KIF13B: variants seen among roughly 807,000 people sequenced by gnomAD.
The protein encoded by KIF13B is kinesin-like protein KIF13B.
A neutral mutation model predicts 222.0 loss-of-function variants in KIF13B; 127 were observed. The ratio of observed to expected loss-of-function variants is 0.57; its 90% CI spans 0.50 to 0.66. The LOEUF (loss-of-function observed/expected upper bound fraction) is 0.66. KIF13B is among the 30% of genes least tolerant of loss of function. The probability of loss-of-function intolerance (pLI) is 0.00; values close to 1 mark genes in which losing one functional copy is unlikely to be tolerated. For synonymous variants in KIF13B, 976 were observed against 919.0 expected, an observed-to-expected ratio of 1.06 and a Z score of -1.12; for missense variants, 2,173 against 2,379.0, an observed-to-expected ratio of 0.91 and a Z score of 1.80.
At chr8:29,113,265 C>G (rs575171261) in intron 32 of KIF13B, among the ~76,000 whole-genome samples, 198 bp downstream of exon 32, 16 of 152,292 alleles carry the variant, frequency 1.1e-4, no homozygotes, top group South Asian at 8.3e-4. Flanking sequence ...AGTTCTTCAA[C>G]AAAATACTAA....
chr8:29,175,342 A>G (rs114760186), intron 10 of KIF13B, among the ~76,000 whole-genome samples: 2,007 of 152,254 alleles, frequency 0.013, 53 homozygotes, highest in African/African-American at 0.047. Flanking sequence ...CATCTCTGTC[A>G]TGGATCTATC....
chr8:29,117,599 G>A (rs924134170), intron 30 of KIF13B, among the ~76,000 whole-genome samples: 10 of 152,028 alleles, frequency 6.6e-5, no homozygotes, highest in Admixed American at 1.3e-4. Context: ...GAAGGGTGCC[G>A]GCCCACTATT....
At chr8:29,117,601 C>T (rs562199798) in intron 30 of KIF13B, among the ~76,000 whole-genome samples, 1 of 152,250 alleles carries the variant, frequency 6.6e-6, no homozygotes, top group South Asian at 2.1e-4. Context: ...AGGGTGCCGG[C>T]CCACTATTCT....
At chr8:29,243,920 G>A (rs1815899651) in intron 2 of KIF13B, among the ~76,000 whole-genome samples, 1 of 152,170 alleles carries the variant, frequency 6.6e-6, no homozygotes, top group Non-Finnish European at 1.5e-5. Flanking sequence ...ACTTTTGTGA[G>A]ACACGTAAGA....
intron 36 of KIF13B, among the ~76,000 whole-genome samples, chr8:29,096,772 T>C (rs1454268193): frequency 1.3e-5 from 2 of 151,928 alleles, no homozygotes; most frequent in Non-Finnish European, 2.9e-5. Flanking sequence ...AGCGATTTGA[T>C]AAGTTAAGGA....
At chr8:29,135,586 A>T (rs1334293593) in intron 21 of KIF13B, among the ~76,000 whole-genome samples, 2 of 152,228 alleles carry the variant, frequency 1.3e-5, no homozygotes, top group Non-Finnish European at 2.9e-5. Flanking sequence ...ATCTGAATAT[A>T]TGACATATGA....
intron 29 of KIF13B, 146 bp from the exon 30 acceptor site, chr8:29,119,138 C>A: frequency 3.7e-6 from 3 of 817,530 alleles, no homozygotes; most frequent in Non-Finnish European, 5.7e-6. Flanking sequence ...CTGAAGATGA[C>A]CACTTAAAAG....
chr8:29,075,387 A>G, intron 37 of KIF13B, 44 bp from the exon 38 acceptor site: 3 of 1,522,278 alleles, frequency 2.0e-6, no homozygotes, highest in East Asian at 4.9e-5. Context: ...AGGACAGAAC[A>G]GGGGTAGCAG....
intron 31 of KIF13B, 58 bp downstream of exon 31, chr8:29,116,773 C>T (rs1305080812): frequency 1.0e-5 from 15 of 1,497,764 alleles, no homozygotes; most frequent in Non-Finnish European, 1.0e-5. Flanking sequence ...AAGCACTGCA[C>T]GGCCCTACCC....
rs2133449582 is a variant in KIF13B, at chr8:29,067,837, G to C, written c.*2667C>G. The C allele has an allele frequency of 6.5e-6, 1 of 152,850 alleles. No homozygotes were observed. The highest frequency in any genetic ancestry group is 1.9e-4 in the East Asian group (1 of 5,206). The allele number at this position is 152,850 out of a possible 1,614,324, so 9.5% of individuals were successfully genotyped here. A position where few individuals can be genotyped will look rare whatever the true frequency, so the allele number is the denominator to read the frequency against. On this transcript the variant is annotated 3_prime_UTR_variant, in exon 40 of 40. Transcript: ENST00000524189. ...TCCGTTCTCTTGTTGAACCTTGGTA[G>C]GCCCAGAAACATCTTCCCCCTCCTC... is the stretch of plus-strand genomic sequence containing the variant.
chr8:29,081,950 A>C (rs1388753831), intron 37 of KIF13B, among the ~76,000 whole-genome samples: 1 of 152,242 alleles, frequency 6.6e-6, no homozygotes, highest in Non-Finnish European at 1.5e-5. Context: ...CAATAATTTC[A>C]TCTGATCTAG....
chr8:29,223,543 A>G (rs1235860644), intron 2 of KIF13B, among the ~76,000 whole-genome samples: 1 of 152,198 alleles, frequency 6.6e-6, no homozygotes, highest in Admixed American at 6.5e-5. Context: ...TCAATATGCT[A>G]TTTCTTAGTA....
At chr8:29,234,110 T>C (rs1252121392) in intron 2 of KIF13B, among the ~76,000 whole-genome samples, 4 of 152,086 alleles carry the variant, frequency 2.6e-5, no homozygotes, top group African/African-American at 9.7e-5. Flanking sequence ...AGATTCAGAG[T>C]GCAGAGATTG....
chr8:29,198,574 C>T (rs575581100), intron 2 of KIF13B, among the ~76,000 whole-genome samples: 4 of 152,256 alleles, frequency 2.6e-5, no homozygotes, highest in East Asian at 1.9e-4. Context: ...CCGCCCGCCT[C>T]GGCCTCCCAA....
chr8:29,185,340 T>C (rs189206422), intron 6 of KIF13B, among the ~76,000 whole-genome samples: 1 of 152,340 alleles, frequency 6.6e-6, no homozygotes, highest in African/African-American at 2.4e-5. Flanking sequence ...CTCTAATTTG[T>C]AGGAGCCTCC....
rs2133450163 is a variant in KIF13B at position 29,068,037 on chromosome 8, G to A, written c.*2467C>T. The A allele has an allele frequency of 6.6e-6, 1 of 152,408 alleles. No individual in the cohort carries two copies. Among genetic ancestry groups the A allele is most frequent in the East Asian group, 1.9e-4 (1 of 5,160 alleles). 9.4% of individuals were successfully genotyped at this position (152,408 alleles called of 1,614,324 possible). A position where few individuals can be genotyped will look rare whatever the true frequency, so the allele number is the denominator to read the frequency against. On this transcript the variant is annotated 3_prime_UTR_variant, in exon 40 of 40. Coordinates refer to ENST00000524189, the MANE Select transcript of KIF13B (RefSeq NM_015254.4). The surrounding 1 kb of genome is among the most constrained non-coding windows in gnomAD (Gnocchi z 4.4). ...AGGGAAGTGGCGGGGTGGGGCCAGGGATGTTCTGGGCACACAATGGGGAGG... is the reference window on the plus strand; with the variant it reads ...AGGGAAGTGGCGGGGTGGGGCCAGGAATGTTCTGGGCACACAATGGGGAGG...
intron 2 of KIF13B, among the ~76,000 whole-genome samples, chr8:29,239,433 A>T (rs1264381767): frequency 6.6e-6 from 1 of 152,262 alleles, no homozygotes; most frequent in African/African-American, 2.4e-5. Flanking sequence ...AAAGAGAAAC[A>T]GAAAACCTAA....
At chr8:29,161,916 A>G (rs1234330470) in intron 12 of KIF13B, among the ~76,000 whole-genome samples, 1 of 152,148 alleles carries the variant, frequency 6.6e-6, no homozygotes, top group Non-Finnish European at 1.5e-5. Flanking sequence ...TAGCACAGTG[A>G]AGGACACATG....
At chr8:29,106,976 T>C (rs1196800133) in intron 35 of KIF13B, among the ~76,000 whole-genome samples, 1 of 152,142 alleles carries the variant, frequency 6.6e-6, no homozygotes, top group Non-Finnish European at 1.5e-5. Flanking sequence ...CCCTCAAAAG[T>C]GACAGGCACA....
Sources: allele counts gnomAD v4.1 joint callset (sites outside exome capture counted in the v4.1 genomes callset), GRCh38; gene constraint gnomAD v4.1.1; non-coding constraint Gnocchi (gnomAD v3.1); transcripts MANE v1.5; gene names NCBI Gene and HGNC (gene_info 2026-07-23, HGNC 2026-07-21).